The following KLRD1 variants were observed in gnomAD, a reference collection of about 807,000 sequenced individuals.
The protein encoded by KLRD1 is killer cell lectin like receptor D1.
A neutral mutation model predicts 22.6 loss-of-function variants in KLRD1; 21 were observed. That is an observed-to-expected ratio of 0.93 (90% CI 0.66 to 1.34). KLRD1 has a LOEUF of 1.34. Among genes scored for constraint, KLRD1 ranks in the 40% most tolerant of loss-of-function variants. KLRD1 has a pLI of 0.00. For missense variants in KLRD1, 183 were observed against 208.6 expected, an observed-to-expected ratio of 0.88 and a Z score of 0.76; for synonymous variants, 59 against 71.1, an observed-to-expected ratio of 0.83 and a Z score of 0.85.
At chr12:10,257,999 A>G (rs1949415813) in intron 1 of KLRD1, among the ~76,000 whole-genome samples, 2 of 152,118 alleles carry the variant, frequency 1.3e-5, no homozygotes, top group African/African-American at 4.8e-5. Context: ...TTTCCCATAC[A>G]TGTGGCTACT....
At chr12:10,288,415 A>G (rs1392379420) in intron 1 of KLRD1, among the ~76,000 whole-genome samples, 2 of 152,198 alleles carry the variant, frequency 1.3e-5, no homozygotes, top group Non-Finnish European at 2.9e-5. Flanking sequence ...AAAAATTCCC[A>G]GCACAATCGA....
chr12:10,328,777 G>A lies in KLRD1; in HGVS notation c.*13984G>A, dbSNP rs984156189. On this transcript the variant is annotated 3_prime_UTR_variant, in exon 6 of 6. Coordinates refer to ENST00000336164, the MANE Select transcript of KLRD1 (RefSeq NM_002262.5). ...TGATAAAGACTTAACTGAGAGACTG[G>A]GTAATTTGTAAAGAAAAAGAGGTTT... 6.6e-6 allele frequency: 1 copy of A among 152,086 alleles called. No homozygotes were observed. Among genetic ancestry groups the A allele is most frequent in the Non-Finnish European group, 1.5e-5 (1 of 68,056 alleles). The allele number at this position is 152,086 out of a possible 1,614,324, so 9.4% of individuals were successfully genotyped here.
chr12:10,308,335 G>A (rs761821878), intron 1 of KLRD1: 18 of 483,928 alleles, frequency 3.7e-5, no homozygotes, highest in Non-Finnish European at 5.2e-5. Flanking sequence ...TTTAAATTCT[G>A]AGTGAGAACT....
rs552402472 is a variant in KLRD1, at chr12:10,328,008, A to G, written c.*13215A>G. 1 of 152,262 alleles carries G rather than the reference A, an allele frequency of 6.6e-6. No individual in the cohort carries two copies. The highest frequency in any genetic ancestry group is 1.9e-4 in the East Asian group (1 of 5,194). 9.4% of individuals were successfully genotyped at this position (152,262 alleles called of 1,614,324 possible). On this transcript the variant is annotated 3_prime_UTR_variant, in exon 6 of 6. Coordinates refer to ENST00000336164, the MANE Select transcript of KLRD1 (RefSeq NM_002262.5). ...GGCTATCCTTGCACCCCAGGGATAAATGCCACTTGCTTATGGCATATACTC... is the reference window on the plus strand; with the variant it reads ...GGCTATCCTTGCACCCCAGGGATAAGTGCCACTTGCTTATGGCATATACTC...
chr12:10,277,092 A>G (rs1949598702), intron 1 of KLRD1, among the ~76,000 whole-genome samples: 1 of 151,312 alleles, frequency 6.6e-6, no homozygotes, highest in Admixed American at 6.6e-5. Flanking sequence ...ATAAATACAA[A>G]GGCAAATGTT....
At chr12:10,297,657 A>G (rs1240435321) in intron 1 of KLRD1, among the ~76,000 whole-genome samples, 1 of 152,152 alleles carries the variant, frequency 6.6e-6, no homozygotes, top group African/African-American at 2.4e-5. Context: ...CCCTTGACAA[A>G]TTGCAAATTA....
Position 10,314,662 on chromosome 12 carries a change from C to T in KLRD1, c.420-11C>T. ...TTTTTGTGTATGTGAACATTTTCTTCTTCATTACAGATTTCCATCATTTGA... is the reference window on the plus strand; with the variant it reads ...TTTTTGTGTATGTGAACATTTTCTTTTTCATTACAGATTTCCATCATTTGA... On this transcript the variant is annotated splice_polypyrimidine_tract_variant and intron_variant, in intron 5 of 5. Coordinates refer to ENST00000336164, the MANE Select transcript of KLRD1 (RefSeq NM_002262.5). 5 of 1,544,196 alleles carry T rather than the reference C, an allele frequency of 3.2e-6. No homozygotes were observed. The highest frequency in any genetic ancestry group is 4.3e-6 in the Non-Finnish European group (5 of 1,151,012).
intron 1 of KLRD1, chr12:10,308,349 C>A: frequency 2.2e-6 from 1 of 461,016 alleles, no homozygotes; most frequent in Non-Finnish European, 3.9e-6. Flanking sequence ...GAGAACTGAA[C>A]TTTAGCCTGG....
chr12:10,250,225 T>A (rs1949333160), intron 1 of KLRD1, among the ~76,000 whole-genome samples: 2 of 24,158 alleles, frequency 8.3e-5, no homozygotes, highest in African/African-American at 1.8e-4. Context: ...TTTTTTTTTT[T>A]TTAGGGGGGC....
intron 3 of KLRD1, among the ~76,000 whole-genome samples, chr12:10,310,151 G>C (rs530579069): frequency 6.6e-6 from 1 of 152,144 alleles, no homozygotes; most frequent in South Asian, 2.1e-4. Flanking sequence ...TGCTCTTGTC[G>C]TCCAGGCTGG....
At chr12:10,301,927 T>G (rs1949869651), upstream of KLRD1, among the ~76,000 whole-genome samples, 1 of 152,070 alleles carries the variant, frequency 6.6e-6, no homozygotes, top group Non-Finnish European at 1.5e-5. Flanking sequence ...CAGGTAATAG[T>G]TAGGCTTGAG....
chr12:10,304,411 A>C (rs779764792), upstream of KLRD1: 12 of 152,118 alleles, frequency 7.9e-5, no homozygotes, highest in Non-Finnish European at 1.8e-4. Context: ...ATAAACCCAC[A>C]GATTCTAGTT....
At chr12:10,307,200 A>G (rs1949945904), upstream of KLRD1, among the ~76,000 whole-genome samples, 1 of 152,244 alleles carries the variant, frequency 6.6e-6, no homozygotes. Flanking sequence ...ATAACACACT[A>G]AACAATATAA....
At chr12:10,313,092 A>G (rs966791043) in intron 4 of KLRD1, among the ~76,000 whole-genome samples, 1 of 152,066 alleles carries the variant, frequency 6.6e-6, no homozygotes, top group African/African-American at 2.4e-5. Flanking sequence ...CCTTCACAAT[A>G]CCATGATTTT....
intron 1 of KLRD1, among the ~76,000 whole-genome samples, chr12:10,275,544 G>T (rs558269157): frequency 6.6e-6 from 1 of 151,944 alleles, no homozygotes; most frequent in African/African-American, 2.4e-5. Flanking sequence ...TTCAACCATC[G>T]GGGGAAGCTG....
rs147223051 is a variant in KLRD1 at position 10,325,614 on chromosome 12, A to G, written c.*10821A>G. 614 of 152,350 alleles carry G rather than the reference A, an allele frequency of 4.0e-3. 6 individuals carry two copies. Among genetic ancestry groups the G allele is most frequent in the African/African-American group, 0.014 (583 of 41,576 alleles). 9.4% of individuals were successfully genotyped at this position (152,350 alleles called of 1,614,324 possible). A position where few individuals can be genotyped will look rare whatever the true frequency, so the allele number is the denominator to read the frequency against. ...AGATATTTCACGTAAGTGGAATCAT[A>G]TAGTATTTATCCTGTGACTTGTTTA... On this transcript the variant is annotated 3_prime_UTR_variant, in exon 6 of 6. Coordinates refer to ENST00000336164, the MANE Select transcript of KLRD1 (RefSeq NM_002262.5).
At chr12:10,313,154 T>C (rs530050332) in intron 4 of KLRD1, among the ~76,000 whole-genome samples, 2 of 152,310 alleles carry the variant, frequency 1.3e-5, no homozygotes, top group African/African-American at 4.8e-5. Flanking sequence ...CCATGAAAAC[T>C]CTATCTCCTT....
chr12:10,286,817 G>C (rs1949710490), intron 1 of KLRD1, among the ~76,000 whole-genome samples: 2 of 151,734 alleles, frequency 1.3e-5, no homozygotes, highest in Non-Finnish European at 2.9e-5. Flanking sequence ...TCCCGTAACT[G>C]TTTACATTCA....
rs1462229959 is a variant in KLRD1 at position 10,316,237 on chromosome 12, A to C, written c.*1444A>C. ...CGGAGTAACATCCCATCATAATCCC[A>C]AATCCTACTCAAACAAAAGGGGAAG... On this transcript the variant is annotated 3_prime_UTR_variant, in exon 6 of 6. Transcript: ENST00000336164. 6.6e-6 allele frequency: 1 copy of C among 151,904 alleles called. No individual in the cohort carries two copies. The highest frequency in any genetic ancestry group is 2.4e-5 in the African/African-American group (1 of 41,322). 9.4% of individuals were successfully genotyped at this position (151,904 alleles called of 1,614,324 possible).
Sources: gnomAD v4.1 joint callset for allele counts (sites outside exome capture counted in the v4.1 genomes callset) on GRCh38, gnomAD v4.1.1 for gene constraint, MANE v1.5 for transcripts, NCBI Gene and HGNC (gene_info 2026-07-23, HGNC 2026-07-21) for gene names.